Variants in FSTL5 observed in about 807,000 individuals in gnomAD.
FSTL5 encodes the protein follistatin-related protein 5.
FSTL5 carries 62 observed loss-of-function variants against 89.1 expected under a neutral mutation model. The observed-to-expected ratio is 0.70, with a 90% confidence interval of 0.57 to 0.86. The LOEUF is 0.86. Ranked by LOEUF, FSTL5 falls within the 40% of genes least tolerant of loss-of-function variation. FSTL5 has a pLI of 0.00. For synonymous variants in FSTL5, 383 were observed against 346.2 expected (o/e 1.11, Z -1.18); for missense variants, 1,057 against 1,001.6 (o/e 1.06, Z -0.75).
At chr4:161,556,025 G>A (rs1294241512) in intron 8 of FSTL5, among the ~76,000 whole-genome samples, 4 of 151,596 alleles carry the variant, frequency 2.6e-5, no homozygotes, top group Non-Finnish European at 4.4e-5. Context: ...GTGGAAGCAT[G>A]ACGTATTCCA....
chr4:161,687,330 T>C (rs1478419245), intron 6 of FSTL5, among the ~76,000 whole-genome samples: 1 of 152,240 alleles, frequency 6.6e-6, no homozygotes, highest in Non-Finnish European at 1.5e-5. Flanking sequence ...TCTTCTCATA[T>C]AAGACCCATC....
chr4:161,712,352 GA>G (rs1579040998), intron 6 of FSTL5, among the ~76,000 whole-genome samples: 1 of 152,166 alleles, frequency 6.6e-6, no homozygotes, highest in East Asian at 1.9e-4. Flanking sequence ...CTACTATGTA[GA>G]AAAAAATTAA....
At chr4:161,721,264 G>C (rs1408734984) in intron 6 of FSTL5, among the ~76,000 whole-genome samples, 1 of 113,016 alleles carries the variant, frequency 8.8e-6, no homozygotes, top group Admixed American at 1.4e-4. Flanking sequence ...CGGCCTGGGC[G>C]ACAGAGCGAG....
intron 4 of FSTL5, among the ~76,000 whole-genome samples, chr4:161,861,228 G>T (rs372091023): frequency 6.6e-6 from 1 of 152,096 alleles, no homozygotes; most frequent in African/African-American, 2.4e-5. Flanking sequence ...TTCGAGACCA[G>T]CCTGGCCAAC....
intron 4 of FSTL5, among the ~76,000 whole-genome samples, chr4:161,807,684 G>A (rs2126835989): frequency 6.6e-6 from 1 of 152,250 alleles, no homozygotes; most frequent in Admixed American, 6.5e-5. Flanking sequence ...TGTTTATTTA[G>A]AAATATAAAT....
At chr4:161,932,831 T>G in intron 3 of FSTL5, among the ~76,000 whole-genome samples, 1 of 152,100 alleles carries the variant, frequency 6.6e-6, no homozygotes, top group East Asian at 1.9e-4. Context: ...CAGTTATTTT[T>G]AAATATTATT....
chr4:161,669,650 A>G (rs980714358), intron 6 of FSTL5, among the ~76,000 whole-genome samples: 30 of 152,324 alleles, frequency 2.0e-4, no homozygotes, highest in African/African-American at 6.3e-4. Context: ...CTAAAAGTAC[A>G]TCACAGACTT....
chr4:161,476,721 A>C (rs1199888523), intron 13 of FSTL5, among the ~76,000 whole-genome samples: 2 of 152,176 alleles, frequency 1.3e-5, no homozygotes, highest in African/African-American at 4.8e-5. Flanking sequence ...ATGAAAGAGG[A>C]GTATAAACAG....
chr4:161,908,126 T>A (rs182929109), intron 4 of FSTL5, among the ~76,000 whole-genome samples: 1 of 151,522 alleles, frequency 6.6e-6, no homozygotes, highest in Admixed American at 6.6e-5. Flanking sequence ...AGAATGAGAG[T>A]CCCTGCAATG....
chr4:161,491,710 A>G (rs1259422763), intron 12 of FSTL5, among the ~76,000 whole-genome samples: 1 of 151,968 alleles, frequency 6.6e-6, no homozygotes, highest in East Asian at 1.9e-4. Flanking sequence ...GCGTGGTGGC[A>G]CGCCCTTGTA....
At chr4:161,442,809 A>G (rs1732817151) in intron 15 of FSTL5, among the ~76,000 whole-genome samples, 1 of 152,044 alleles carries the variant, frequency 6.6e-6, no homozygotes, top group Non-Finnish European at 1.5e-5. Context: ...TAAAGTGGAT[A>G]ATATGCATGC....
In FSTL5 at chr4:161,941,883, A is replaced by G. The variant is rs538632316; in HGVS notation, c.161-21231T>C. On this transcript the variant is annotated intron_variant, in intron 3 of 15. Coordinates refer to ENST00000306100, the MANE Select transcript of FSTL5 (RefSeq NM_020116.5). ...AACATGCCCCAGGATATGTTAGGCC[A>G]CAAGACAAATCTCAATACTTGTATT... Among the ~76,000 whole-genome samples, 10 of 152,114 alleles carry G rather than the reference A, an allele frequency of 6.6e-5. No homozygotes were observed. In the South Asian group the frequency reaches 2.1e-3, roughly 32 times the overall value.
intron 3 of FSTL5, among the ~76,000 whole-genome samples, chr4:161,940,781 A>G (rs1160980320): frequency 6.6e-6 from 1 of 151,846 alleles, no homozygotes; most frequent in Non-Finnish European, 1.5e-5. Context: ...TGTGACAGAA[A>G]TGAAAGGACT....
chr4:161,424,180 T>G (rs545244049), intron 15 of FSTL5, among the ~76,000 whole-genome samples: 1 of 151,632 alleles, frequency 6.6e-6, no homozygotes, highest in Non-Finnish European at 1.5e-5. Context: ...CCCAGCCCTT[T>G]CCTAGTATTT....
At chr4:161,902,702 A>G (rs1189015898) in intron 4 of FSTL5, among the ~76,000 whole-genome samples, 1 of 152,072 alleles carries the variant, frequency 6.6e-6, no homozygotes, top group Non-Finnish European at 1.5e-5. Flanking sequence ...AAAAAAAATT[A>G]GCCAGGCGTG....
chr4:161,989,958 A>G (rs1736066588), intron 3 of FSTL5, among the ~76,000 whole-genome samples: 1 of 152,186 alleles, frequency 6.6e-6, no homozygotes, highest in South Asian at 2.1e-4. Context: ...GTGTGAATAC[A>G]TTGTCCAAAC....
chr4:162,019,770 C>CTGTGTGTG (rs10610828), intron 3 of FSTL5, among the ~76,000 whole-genome samples: 1 of 148,122 alleles, frequency 6.8e-6, no homozygotes, highest in Admixed American at 6.8e-5. Context: ...CTCTCTTTCT[C>CTGTGTGTG]TGTGTGTGTG....
At chr4:161,833,536 C>G (rs1362611583) in intron 4 of FSTL5, among the ~76,000 whole-genome samples, 1 of 140,904 alleles carries the variant, frequency 7.1e-6, no homozygotes, top group Non-Finnish European at 1.6e-5. Flanking sequence ...GTAGGTCACT[C>G]AGGACTTGCT....
At chr4:161,531,010 C>A (rs549743509) in intron 10 of FSTL5, among the ~76,000 whole-genome samples, 3 of 152,162 alleles carry the variant, frequency 2.0e-5, no homozygotes, top group Non-Finnish European at 2.9e-5. Flanking sequence ...TTGTGAGCAA[C>A]CACACAATCC....
Sources: allele counts gnomAD v4.1 joint callset (sites outside exome capture counted in the v4.1 genomes callset), GRCh38; gene constraint gnomAD v4.1.1; transcripts MANE v1.5; gene names NCBI Gene and HGNC (gene_info 2026-07-23, HGNC 2026-07-21).